CNTN4: variants seen among roughly 807,000 people sequenced by gnomAD.
CNTN4 encodes the protein contactin 4.
In CNTN4, 77 loss-of-function variants were observed where a neutral mutation model predicts 122.5. That is an observed-to-expected ratio of 0.63 (90% CI 0.52 to 0.76). CNTN4 has a LOEUF of 0.76. CNTN4 is among the 30% of genes least tolerant of loss of function. The pLI, the probability that CNTN4 is intolerant of heterozygous loss-of-function variation, is 0.00. For missense variants in CNTN4, 1,256 were observed against 1,259.1 expected (o/e 1.00, Z 0.04); for synonymous variants, 512 against 447.0 (o/e 1.15, Z -1.83).
At chr3:2,220,340 C>T (rs1400901540) in intron 2 of CNTN4, among the ~76,000 whole-genome samples, 1 of 152,102 alleles carries the variant, frequency 6.6e-6, no homozygotes, top group African/African-American at 2.4e-5. Flanking sequence ...GTAACAATTA[C>T]TAATGGACAA....
intron 4 of CNTN4, among the ~76,000 whole-genome samples, chr3:2,732,881 A>C (rs1002756427): frequency 6.6e-6 from 1 of 152,138 alleles, no homozygotes; most frequent in African/African-American, 2.4e-5. Flanking sequence ...ATTTCCTTCG[A>C]TGAGAACTGA....
chr3:2,139,037 A>G (rs78009285), intron 2 of CNTN4, among the ~76,000 whole-genome samples: 2,455 of 152,262 alleles, frequency 0.016, 82 homozygotes, highest in African/African-American at 0.056. Flanking sequence ...GCACTTGGGT[A>G]GTGCATCTTT....
At chr3:2,772,965 A>G (rs2091167450) in intron 6 of CNTN4, among the ~76,000 whole-genome samples, 1 of 152,196 alleles carries the variant, frequency 6.6e-6, no homozygotes, top group African/African-American at 2.4e-5. Context: ...GCAGTTGAAA[A>G]TGTCCAGTAC....
chr3:2,978,551 G>A (rs1237481275), intron 13 of CNTN4, among the ~76,000 whole-genome samples: 1 of 152,208 alleles, frequency 6.6e-6, no homozygotes, highest in African/African-American at 2.4e-5. Flanking sequence ...CAATTAGCCA[G>A]GAATGGGCTT....
intron 7 of CNTN4, among the ~76,000 whole-genome samples, chr3:2,840,654 A>G (rs575002108): frequency 0.02 from 2,957 of 144,950 alleles, 127 homozygotes; most frequent in African/African-American, 0.067. Context: ...AGCCAAGATC[A>G]CACCACTGCA....
At chr3:2,500,933 T>C (rs67775967) in intron 3 of CNTN4, among the ~76,000 whole-genome samples, 17,353 of 152,130 alleles carry the variant, frequency 0.11, 1,267 homozygotes, top group Middle Eastern at 0.19. Context: ...AGTCCTCTTT[T>C]TTCCCCCCCG....
chr3:2,369,738 C>T (rs2045558596), intron 3 of CNTN4, among the ~76,000 whole-genome samples: 1 of 152,014 alleles, frequency 6.6e-6, no homozygotes, highest in Admixed American at 6.6e-5. Flanking sequence ...CAGAGCCCTG[C>T]ATTGCATCTA....
At chr3:2,911,373 T>G (rs2094297752) in intron 12 of CNTN4, among the ~76,000 whole-genome samples, 1 of 152,138 alleles carries the variant, frequency 6.6e-6, no homozygotes, top group Non-Finnish European at 1.5e-5. Flanking sequence ...ATTAGGGGAT[T>G]ACATACAAAA....
intron 5 of CNTN4, among the ~76,000 whole-genome samples, chr3:2,738,587 G>A (rs1261450316): frequency 6.6e-6 from 1 of 151,992 alleles, no homozygotes; most frequent in African/African-American, 2.4e-5. Flanking sequence ...AAAATTTATT[G>A]CACAGAACAA....
intron 4 of CNTN4, among the ~76,000 whole-genome samples, chr3:2,574,512 C>A (rs374328626): frequency 4.9e-4 from 74 of 152,058 alleles, no homozygotes; most frequent in African/African-American, 1.8e-3. Flanking sequence ...CTTTATGGTA[C>A]AATGGGAATG....
Position 2,477,192 on chromosome 3 carries a change from T to A in CNTN4, c.-88-94224T>A, listed in dbSNP as rs559939402. Among the ~76,000 whole-genome samples, 3 of 152,322 alleles carry A rather than the reference T, an allele frequency of 2.0e-5. No individual in the cohort carries two copies. The East Asian group carries it at 5.8e-4, about 29-fold the overall frequency. On this transcript the variant is annotated intron_variant, in intron 3 of 24. Transcript: ENST00000418658. ...GCTTCTAAAGTAGCTCTTGTTCTTATAAGAAATGTTTGTGCCTCTCAGAAA... is the reference window on the plus strand; with the variant it reads ...GCTTCTAAAGTAGCTCTTGTTCTTAAAAGAAATGTTTGTGCCTCTCAGAAA...
chr3:2,218,252 C>A (rs371622887), intron 2 of CNTN4, among the ~76,000 whole-genome samples: 5 of 152,122 alleles, frequency 3.3e-5, no homozygotes, highest in East Asian at 1.9e-4. Context: ...CAAGTAGTAA[C>A]AGATGAATTA....
intron 10 of CNTN4, among the ~76,000 whole-genome samples, chr3:2,892,577 C>T (rs113521213): frequency 4.1e-4 from 62 of 152,290 alleles, no homozygotes; most frequent in African/African-American, 1.4e-3. Flanking sequence ...CATCTTTGCA[C>T]TTCATTCTGT....
At chr3:2,916,907 G>A (rs1180613687) in intron 12 of CNTN4, among the ~76,000 whole-genome samples, 1 of 149,422 alleles carries the variant, frequency 6.7e-6, no homozygotes, top group African/African-American at 2.5e-5. Context: ...GGTGGCGGCC[G>A]GGCAGAGGCT....
chr3:2,369,354 C>G (rs899929032), intron 3 of CNTN4, among the ~76,000 whole-genome samples: 1 of 152,202 alleles, frequency 6.6e-6, no homozygotes, highest in Non-Finnish European at 1.5e-5. Flanking sequence ...CTGTGCTAAT[C>G]ATATTACTAT....
chr3:3,041,432 A>G (rs1321153107), intron 20 of CNTN4, among the ~76,000 whole-genome samples: 1 of 152,240 alleles, frequency 6.6e-6, no homozygotes, highest in Admixed American at 6.5e-5. Flanking sequence ...AAAGGGGAAA[A>G]GGACAGTCAG....
chr3:3,034,833 C>T (rs1267228203), intron 17 of CNTN4, 43 bp downstream of exon 17: 2 of 1,596,706 alleles, frequency 1.3e-6, no homozygotes, highest in East Asian at 4.5e-5. Flanking sequence ...GGGAACTCAG[C>T]ATACTGGACA....
At chr3:2,291,264 A>T (rs1362530152) in intron 2 of CNTN4, among the ~76,000 whole-genome samples, 1 of 152,210 alleles carries the variant, frequency 6.6e-6, no homozygotes, top group African/African-American at 2.4e-5. Flanking sequence ...TGCTAAGTAC[A>T]GACCCTAGGC....
In CNTN4 at chr3:2,307,568, T is replaced by C. The variant is rs1409885334; in HGVS notation, c.-144-31610T>C. ...ATTTCTGCAGGTGCCCTTTTTTAGG[T>C]TTAGGATCTTCCTTCCAAGGATTTT... is the stretch of plus-strand genomic sequence containing the variant. On this transcript the variant is annotated intron_variant, in intron 2 of 24. Transcript: ENST00000418658. Among the ~76,000 whole-genome samples the C allele has an allele frequency of 3.3e-5, 5 of 152,144 alleles. No individual in the cohort carries two copies. The East Asian group carries it at 9.6e-4, about 29-fold the overall frequency.
Sources: gnomAD v4.1 joint callset for allele counts (sites outside exome capture counted in the v4.1 genomes callset) on GRCh38, gnomAD v4.1.1 for gene constraint, MANE v1.5 for transcripts, NCBI Gene and HGNC (gene_info 2026-07-23, HGNC 2026-07-21) for gene names.